MAGED1: variants seen among roughly 807,000 people sequenced by gnomAD.
MAGED1 encodes melanoma-associated antigen D1.
A neutral mutation model predicts 54.1 loss-of-function variants in MAGED1; 3 were observed. The observed-to-expected ratio is 0.06, with a 90% confidence interval of 0.03 to 0.14. The LOEUF (loss-of-function observed/expected upper bound fraction) is 0.14, where lower values mean the gene tolerates loss of function less well. Among genes scored for constraint, MAGED1 ranks in the 10% least tolerant of loss-of-function variants. MAGED1 has a pLI of 1.00. For synonymous variants in MAGED1, 217 were observed against 227.3 expected (o/e 0.95, Z 0.41); for missense variants, 485 against 623.4 (o/e 0.78, Z 2.36).
At chrX:51,838,564 C>A (rs1034975561) in intron 1 of MAGED1, among the ~76,000 whole-genome samples, 1 of 112,228 alleles carries the variant, frequency 8.9e-6, no homozygotes. Context: ...AAAATTTTTT[C>A]ATAAAATCCA....
rs200915523 is a variant in MAGED1, at chrX:51,863,835, G to GTTT, written c.-36-30427_-36-30425dup. On this transcript the variant is annotated intron_variant, in intron 1 of 12. Transcript: ENST00000375772. ...TTTTTAAATTGGGTTATTTGTGTGTGTTTTTTTTTAACTACTGAGTTAACT... is the reference window on the plus strand; with the variant it reads ...TTTTTAAATTGGGTTATTTGTGTGTGTTTTTTTTTTTTAACTACTGAGTTAACT... 1.4e-4 allele frequency among the ~76,000 whole-genome samples: 15 copies of GTTT among 108,570 alleles called. No individual in the cohort carries two copies. In the Admixed American group the frequency reaches 1.5e-3, roughly 11 times the overall value. 94.3% of individuals were successfully genotyped at this position (108,570 alleles called of 115,157 possible).
At chrX:51,847,790 G>A (rs1926739268) in intron 1 of MAGED1, among the ~76,000 whole-genome samples, 1 of 111,937 alleles carries the variant, frequency 8.9e-6, no homozygotes, top group Non-Finnish European at 1.9e-5. Flanking sequence ...ACATTTTGTG[G>A]TGTTTATCTT....
intron 1 of MAGED1, among the ~76,000 whole-genome samples, chrX:51,824,215 T>C (rs1470014719): frequency 9.0e-6 from 1 of 111,663 alleles, no homozygotes; most frequent in Non-Finnish European, 1.9e-5. Flanking sequence ...CTACTTGATA[T>C]CTCTTTCAGT....
Position 51,898,132 on chromosome X carries a change from G to A in MAGED1, c.1677G>A (p.Lys559=). ...GILGTTKDTP[K]LGLLLVILGV... ...CCCTTAGGACCAAAGACACACCCAAGCTCGGTCTCCTCTTGGTGATTCTGG... is the reference window on the plus strand; with the variant it reads ...CCCTTAGGACCAAAGACACACCCAAACTCGGTCTCCTCTTGGTGATTCTGG... The change falls in exon 8 of 13, where the codon AAG becomes AAA. Residue 559 remains lysine, a synonymous_variant. Coordinates refer to ENST00000326587, the MANE Select transcript of MAGED1 (RefSeq NM_006986.4). 1 of 1,210,616 alleles carries A rather than the reference G, an allele frequency of 8.3e-7. No homozygotes were observed. The highest frequency in any genetic ancestry group is 1.8e-5 in the South Asian group (1 of 56,902).
intron 1 of MAGED1, among the ~76,000 whole-genome samples, chrX:51,805,439 G>A (rs1277393427): frequency 2.7e-5 from 3 of 109,723 alleles, no homozygotes; most frequent in Non-Finnish European, 5.7e-5. Context: ...ACTCAGTCCT[G>A]GTCTGGTTCT....
chrX:51,836,034 A>G (rs1444571471), intron 1 of MAGED1, among the ~76,000 whole-genome samples: 2 of 111,117 alleles, frequency 1.8e-5, no homozygotes, highest in African/African-American at 6.6e-5. Context: ...TTAAGCTCAG[A>G]TATTATTATT....
chrX:51,834,560 T>C (rs1338672432), intron 1 of MAGED1, among the ~76,000 whole-genome samples: 2 of 112,284 alleles, frequency 1.8e-5, no homozygotes, highest in African/African-American at 6.5e-5. Flanking sequence ...CAGTGTTCTT[T>C]TGTTAATGGA....
chrX:51,843,799 T>C (rs1316041693), intron 1 of MAGED1, among the ~76,000 whole-genome samples: 2 of 111,606 alleles, frequency 1.8e-5, no homozygotes, highest in East Asian at 2.8e-4. Flanking sequence ...TGGTTGAGAA[T>C]GGAAAAATTT....
intron 1 of MAGED1, among the ~76,000 whole-genome samples, chrX:51,847,331 G>A (rs182678476): frequency 1.8e-5 from 2 of 111,167 alleles, no homozygotes; most frequent in African/African-American, 3.3e-5. Context: ...TGTTTTCTAC[G>A]TTCTAAAATA....
intron 1 of MAGED1, among the ~76,000 whole-genome samples, chrX:51,874,963 G>A (rs1927815860): frequency 9.0e-6 from 1 of 110,582 alleles, no homozygotes; most frequent in Non-Finnish European, 1.9e-5. Context: ...GCACTTCTTT[G>A]GAAACAGTTA....
chrX:51,833,903 C>T (rs975847431), intron 1 of MAGED1, among the ~76,000 whole-genome samples: 13 of 111,628 alleles, frequency 1.2e-4, no homozygotes, highest in Non-Finnish European at 2.1e-4. Context: ...TACTCCTTTC[C>T]CTCTACATGT....
In MAGED1 at chrX:51,817,049, C is replaced by T. The variant is rs1925458565; in HGVS notation, c.-37+13932C>T. The stretch of plus-strand genomic sequence containing the variant: ...ATTAACTATCAGAACTATTGCCTTG[C>T]CTGAATTCCTCACATTTGTACCATT... On this transcript the variant is annotated intron_variant, in intron 1 of 12. Transcript: ENST00000375772. Among the ~76,000 whole-genome samples the T allele has an allele frequency of 6.3e-5, 7 of 111,700 alleles. No homozygotes were observed. In the Admixed American group the frequency reaches 6.6e-4, roughly 11 times the overall value.
At chrX:51,839,235 A>T (rs1418599920) in intron 1 of MAGED1, among the ~76,000 whole-genome samples, 1 of 111,910 alleles carries the variant, frequency 8.9e-6, no homozygotes, top group Non-Finnish European at 1.9e-5. Flanking sequence ...ACTTAAATTT[A>T]TCTCAATCTA....
intron 1 of MAGED1, among the ~76,000 whole-genome samples, chrX:51,837,934 G>A (rs184558975): frequency 8.9e-6 from 1 of 112,627 alleles, no homozygotes; most frequent in Admixed American, 9.4e-5. Flanking sequence ...CTAGCACTTA[G>A]TGTTCACATT....
rs1025811255 is a variant in MAGED1 at position 51,846,420 on chromosome X, A to G, written c.-37+43303A>G. On this transcript the variant is annotated intron_variant, in intron 1 of 12. Transcript: ENST00000375772. Reference sequence around the variant, plus strand: ...GCCAAGGAATGTAGGTAGACTGTGGAAGCTAGAAACTGCAGGGAACTGGAT... The same window carrying G: ...GCCAAGGAATGTAGGTAGACTGTGGGAGCTAGAAACTGCAGGGAACTGGAT... 5.4e-5 allele frequency among the ~76,000 whole-genome samples: 6 copies of G among 111,437 alleles called. No individual in the cohort carries two copies. In the East Asian group the frequency reaches 1.7e-3, roughly 32 times the overall value.
intron 1 of MAGED1, among the ~76,000 whole-genome samples, chrX:51,803,476 C>T (rs781897248): frequency 9.2e-6 from 1 of 109,170 alleles, no homozygotes; most frequent in Non-Finnish European, 1.9e-5. Flanking sequence ...CCGCCTTCTG[C>T]CCCCCATCCT....
intron 1 of MAGED1, among the ~76,000 whole-genome samples, chrX:51,814,292 G>T (rs1458530966): frequency 2.7e-5 from 3 of 111,318 alleles, no homozygotes; most frequent in African/African-American, 9.8e-5. Flanking sequence ...TGCTGCTACC[G>T]CCGCCGCCGC....
intron 1 of MAGED1, among the ~76,000 whole-genome samples, chrX:51,876,822 G>A (rs1927884998): frequency 9.1e-6 from 1 of 110,026 alleles, no homozygotes; most frequent in Admixed American, 9.8e-5. Context: ...AAAATTCTGA[G>A]GAAAGTGTGA....
At chrX:51,898,735 G>A (rs1928875189) in intron 10 of MAGED1, 92 bp downstream of exon 10, 2 of 835,094 alleles carry the variant, frequency 2.4e-6, no homozygotes, top group Non-Finnish European at 3.3e-6. Flanking sequence ...GGATACAATG[G>A]CTCATGCCTG....
Sources: gnomAD v4.1 joint callset for allele counts (sites outside exome capture counted in the v4.1 genomes callset) on GRCh38, gnomAD v4.1.1 for gene constraint, MANE v1.5 for transcripts, NCBI Gene and HGNC (gene_info 2026-07-23, HGNC 2026-07-21) for gene names.